Variants in CATSPERB observed in about 807,000 individuals in gnomAD.
CATSPERB encodes the protein cation channel sperm-associated auxiliary subunit beta.
Under a neutral mutation model 128.3 loss-of-function variants are expected in CATSPERB, and 93 were observed. The observed-to-expected ratio is 0.72, with a 90% CI of 0.61 to 0.86. The LOEUF (loss-of-function observed/expected upper bound fraction) is 0.86. Ranked by LOEUF, CATSPERB falls within the 40% of genes least tolerant of loss-of-function variation. The pLI is 0.00. For missense variants in CATSPERB, 1,153 were observed against 1,329.5 expected (o/e 0.87, Z 2.06); for synonymous variants, 381 against 448.8 (o/e 0.85, Z 1.91).
At chr14:91,675,955 C>T (rs932162945) in intron 11 of CATSPERB, among the ~76,000 whole-genome samples, 17 of 152,108 alleles carry the variant, frequency 1.1e-4, no homozygotes, top group South Asian at 8.3e-4. Context: ...TGTTATTTGT[C>T]GGAAATACCT....
chr14:91,731,028 T>G (rs1443058144), intron 1 of CATSPERB, among the ~76,000 whole-genome samples: 1 of 152,226 alleles, frequency 6.6e-6, no homozygotes, highest in East Asian at 1.9e-4. Context: ...TAACATTAAG[T>G]GGAGACATTA....
At chr14:91,581,211 A>G in intron 26 of CATSPERB, 104 bp from the exon 27 acceptor site, 1 of 836,780 alleles carries the variant, frequency 1.2e-6, no homozygotes, top group Non-Finnish European at 1.9e-6. Context: ...AACGCTGCCC[A>G]GAGTTACAAA....
At chr14:91,685,797 G>C (rs1895363521) in intron 10 of CATSPERB, among the ~76,000 whole-genome samples, 1 of 152,214 alleles carries the variant, frequency 6.6e-6, no homozygotes, top group Non-Finnish European at 1.5e-5. Context: ...AAGGTGAGTG[G>C]TTTAGCATGG....
At chr14:91,681,952 T>C (rs947066647) in intron 11 of CATSPERB, among the ~76,000 whole-genome samples, 6 of 152,178 alleles carry the variant, frequency 3.9e-5, no homozygotes, top group Non-Finnish European at 8.8e-5. Context: ...CACAGATAAG[T>C]ACTATCCTTT....
intron 5 of CATSPERB, among the ~76,000 whole-genome samples, chr14:91,718,495 T>C (rs567825071): frequency 2.0e-5 from 3 of 152,118 alleles, no homozygotes; most frequent in Non-Finnish European, 4.4e-5. Flanking sequence ...ACTCTCCCAA[T>C]CCATATTTGC....
rs750623098 is a variant in CATSPERB, at chr14:91,664,259, C to CTTT, written c.1288-4281_1288-4279dup. Among the ~76,000 whole-genome samples the CTTT allele has an allele frequency of 8.5e-3, 980 of 115,470 alleles. 6 individuals carry two copies. Among genetic ancestry groups the CTTT allele is most frequent in the East Asian group, 0.014 (52 of 3,810 alleles). 75.8% of individuals were successfully genotyped at this position (115,470 alleles called of 152,430 possible). A position where few individuals can be genotyped will look rare whatever the true frequency, so the allele number is the denominator to read the frequency against. ...ATATGCATTTAAGCTTCTTCCATGTCTTTTTTTTTTTTTTTTTTTTTTTTG... is the reference window on the plus strand; with the variant it reads ...ATATGCATTTAAGCTTCTTCCATGTCTTTTTTTTTTTTTTTTTTTTTTTTTTTG... On this transcript the variant is annotated intron_variant, in intron 14 of 26. Coordinates refer to ENST00000256343, the MANE Select transcript of CATSPERB (RefSeq NM_024764.4).
intron 5 of CATSPERB, 76 bp from the exon 6 acceptor site, chr14:91,708,312 C>T (rs1895771893): frequency 1.1e-6 from 1 of 884,314 alleles, no homozygotes; most frequent in Non-Finnish European, 1.8e-6. Context: ...GATATGTGAA[C>T]ATTACCAACA....
intron 15 of CATSPERB, among the ~76,000 whole-genome samples, chr14:91,651,300 G>A (rs1894700217): frequency 6.6e-6 from 1 of 152,174 alleles, no homozygotes; most frequent in Non-Finnish European, 1.5e-5. Context: ...TTAAAGGGTG[G>A]TCCCTACTCC....
chr14:91,646,369 C>G (rs1894605663), intron 15 of CATSPERB: 1 of 152,848 alleles, frequency 6.5e-6, no homozygotes, highest in African/African-American at 2.4e-5. Flanking sequence ...GTACAAGCCA[C>G]TGTCATCTCT....
At chr14:91,718,870 T>C (rs1022647615) in intron 5 of CATSPERB, among the ~76,000 whole-genome samples, 7 of 152,122 alleles carry the variant, frequency 4.6e-5, no homozygotes, top group Admixed American at 3.9e-4. Context: ...AAACAACAAA[T>C]CTTCCACCAT....
chr14:91,614,822 T>C (rs1893905034), intron 20 of CATSPERB, among the ~76,000 whole-genome samples: 1 of 152,064 alleles, frequency 6.6e-6, no homozygotes, highest in Non-Finnish European at 1.5e-5. Flanking sequence ...AAACAAAAGA[T>C]AGATAGAATT....
chr14:91,618,128 G>GC, intron 19 of CATSPERB, among the ~76,000 whole-genome samples: 2 of 152,244 alleles, frequency 1.3e-5, no homozygotes, highest in African/African-American at 4.8e-5. Flanking sequence ...CCCCTTTTTA[G>GC]ACTATATAGG....
At position 91,666,373 on chromosome 14, in the gene CATSPERB, C is replaced by T. The variant is rs564375382; in HGVS notation, c.1287+3441G>A. The stretch of plus-strand genomic sequence containing the variant: ...CCTCTATACTCTAATCAAGGAGACC[C>T]GGAGGGCAAATACTCATCTAGTAGA... On this transcript the variant is annotated intron_variant, in intron 14 of 26. Coordinates refer to ENST00000256343, the MANE Select transcript of CATSPERB (RefSeq NM_024764.4). 3.3e-5 allele frequency among the ~76,000 whole-genome samples: 5 copies of T among 152,276 alleles called. No homozygotes were observed. In the South Asian group the frequency reaches 6.2e-4, roughly 19 times the overall value.
intron 7 of CATSPERB, among the ~76,000 whole-genome samples, chr14:91,704,073 C>T (rs1895696536): frequency 6.6e-6 from 1 of 152,014 alleles, no homozygotes; most frequent in Non-Finnish European, 1.5e-5. Context: ...ACTGGAGAAT[C>T]ACTCGGTGTG....
chr14:91,681,502 G>A (rs769217708), intron 11 of CATSPERB, among the ~76,000 whole-genome samples: 8 of 152,206 alleles, frequency 5.3e-5, no homozygotes, highest in Non-Finnish European at 8.8e-5. Context: ...GTAACATCCC[G>A]AAGTGGGAGC....
chr14:91,632,627 G>A (rs1595155876), intron 17 of CATSPERB, among the ~76,000 whole-genome samples: 1 of 152,210 alleles, frequency 6.6e-6, no homozygotes, highest in East Asian at 1.9e-4. Context: ...CAGTAGGAAA[G>A]TTTAATACAG....
intron 21 of CATSPERB, among the ~76,000 whole-genome samples, chr14:91,609,200 C>CT (rs76713956): frequency 3.5e-4 from 51 of 145,416 alleles, no homozygotes; most frequent in South Asian, 1.7e-3. Flanking sequence ...AGAAATTCAC[C>CT]TTTTTTTTTT....
At chr14:91,713,679 T>C (rs1302220470) in intron 5 of CATSPERB, among the ~76,000 whole-genome samples, 1 of 152,112 alleles carries the variant, frequency 6.6e-6, no homozygotes, top group Non-Finnish European at 1.5e-5. Flanking sequence ...AATGTGTATT[T>C]AAAATCCTTT....
Position 91,719,422 on chromosome 14 carries a change from GC to G in CATSPERB, c.365del (p.Ser122ThrfsTer7). On this transcript the variant is annotated frameshift_variant, in exon 5 of 27. Transcript: ENST00000256343. LOFTEE classifies it high-confidence loss of function. ...ATTAATTCAGATCACTCTTACCTGT[GC>G]TTTGTGTGATGTTTTCTCTAGGAAT... ...VDIPRENITQ[S>X]TDIAAVEEWL... is the part of the protein sequence containing the mutation. The G allele has an allele frequency of 6.2e-7, 1 of 1,609,766 alleles. No individual in the cohort carries two copies. Among genetic ancestry groups the G allele is most frequent in the South Asian group, 1.1e-5 (1 of 90,502 alleles).
Sources: allele counts gnomAD v4.1 joint callset (sites outside exome capture counted in the v4.1 genomes callset), GRCh38; gene constraint gnomAD v4.1.1; transcripts MANE v1.5; gene names NCBI Gene and HGNC (gene_info 2026-07-23, HGNC 2026-07-21).